ZFYVE28: variants seen among roughly 807,000 people sequenced by gnomAD.
ZFYVE28 encodes zinc finger FYVE-type containing 28.
A neutral mutation model predicts 82.1 loss-of-function variants in ZFYVE28; 40 were observed. The ratio of observed to expected loss-of-function variants is 0.49; its 90% CI spans 0.38 to 0.63. The LOEUF (loss-of-function observed/expected upper bound fraction) is 0.63. Among genes scored for constraint, ZFYVE28 ranks in the 30% least tolerant of loss-of-function variants. The pLI, the probability that ZFYVE28 is intolerant of heterozygous loss-of-function variation, is 0.00. For missense variants in ZFYVE28, 1,321 were observed against 1,242.1 expected (o/e 1.06, Z -0.96); for synonymous variants, 612 against 546.1 (o/e 1.12, Z -1.68).
chr4:2,273,115 T>C (rs1736063411), intron 10 of ZFYVE28, 58 bp downstream of exon 10: 3 of 1,386,426 alleles, frequency 2.2e-6, no homozygotes, highest in African/African-American at 2.9e-5. Context: ...CCCCTCCCTG[T>C]GGGCAGGGAC....
At chr4:2,279,430 A>AAAAAAC (rs539648643) in intron 8 of ZFYVE28, among the ~76,000 whole-genome samples, 253 of 152,030 alleles carry the variant, frequency 1.7e-3, no homozygotes, top group African/African-American at 5.6e-3. Context: ...ACTCCGTCTA[A>AAAAAAC]AAAAACAAAA....
At chr4:2,307,089 A>T (rs1288880084) in intron 7 of ZFYVE28, 1 of 152,252 alleles carries the variant, frequency 6.6e-6, no homozygotes, top group East Asian at 1.9e-4. Context: ...CTTTAACTGA[A>T]TCCTTCCTGG....
intron 1 of ZFYVE28, among the ~76,000 whole-genome samples, chr4:2,400,184 T>C (rs1367935364): frequency 1.3e-5 from 2 of 152,248 alleles, no homozygotes; most frequent in African/African-American, 2.4e-5. Context: ...TTTTTTTACT[T>C]GACCGCACTT....
intron 8 of ZFYVE28, among the ~76,000 whole-genome samples, chr4:2,278,122 A>G (rs1211399497): frequency 6.6e-6 from 1 of 152,212 alleles, no homozygotes; most frequent in Non-Finnish European, 1.5e-5. Context: ...ACACATGCAA[A>G]AGGATGAAGC....
chr4:2,301,275 C>T (rs540041349), intron 8 of ZFYVE28, among the ~76,000 whole-genome samples: 3 of 152,318 alleles, frequency 2.0e-5, no homozygotes, highest in Non-Finnish European at 2.9e-5. Context: ...GATGCTCCCA[C>T]GGTGCACACC....
Position 2,330,898 on chromosome 4 carries a change from C to A in ZFYVE28, c.701+4807G>T, listed in dbSNP as rs1197670543. 8 of 1,534,606 alleles carry A rather than the reference C, an allele frequency of 5.2e-6. No individual in the cohort carries two copies. The East Asian group carries it at 2.0e-4, about 38-fold the overall frequency. The stretch of plus-strand genomic sequence containing the variant: ...CGGTGCAGGCAGATCACGGTGGGAG[C>A]TCCGGCAAGGGTCTGAGCAGGGCAG... On this transcript the variant is annotated intron_variant, in intron 6 of 12. Transcript: ENST00000290974.
chr4:2,361,702 C>T (rs1726185227), intron 1 of ZFYVE28, among the ~76,000 whole-genome samples: 1 of 152,172 alleles, frequency 6.6e-6, no homozygotes, highest in Non-Finnish European at 1.5e-5. Flanking sequence ...TGCCAAGGCG[C>T]CAGATCTCAG....
intron 1 of ZFYVE28, among the ~76,000 whole-genome samples, chr4:2,386,077 T>A (rs553599130): frequency 2.0e-5 from 3 of 152,330 alleles, no homozygotes; most frequent in African/African-American, 7.2e-5. Flanking sequence ...TTCCCTTCCC[T>A]GCTGGTGTTC....
At chr4:2,365,091 A>G (rs1726708114) in intron 1 of ZFYVE28, among the ~76,000 whole-genome samples, 1 of 139,836 alleles carries the variant, frequency 7.2e-6, no homozygotes, top group African/African-American at 2.7e-5. Flanking sequence ...GCCACCCCGC[A>G]GGCAGTGGGC....
chr4:2,360,190 G>C (rs992356466), intron 1 of ZFYVE28, among the ~76,000 whole-genome samples: 1 of 151,596 alleles, frequency 6.6e-6, no homozygotes, highest in African/African-American at 2.4e-5. Flanking sequence ...GAAGCTCCGA[G>C]TGTCTTCACG....
chr4:2,290,380 G>A (rs992772784), intron 8 of ZFYVE28, among the ~76,000 whole-genome samples: 8 of 152,206 alleles, frequency 5.3e-5, no homozygotes, highest in Admixed American at 6.5e-5. Flanking sequence ...CAATGTGCCT[G>A]GTGAGACAGG....
At chr4:2,380,627 C>T (rs1204703574) in intron 1 of ZFYVE28, among the ~76,000 whole-genome samples, 3 of 152,168 alleles carry the variant, frequency 2.0e-5, no homozygotes, top group Non-Finnish European at 4.4e-5. Context: ...ATTATACTCT[C>T]GTAATTCCCA....
chr4:2,352,309 C>A (rs772467247), intron 2 of ZFYVE28, among the ~76,000 whole-genome samples: 1 of 151,674 alleles, frequency 6.6e-6, no homozygotes, highest in Non-Finnish European at 1.5e-5. Flanking sequence ...AGACATGGAG[C>A]AGGATGAGGC....
intron 6 of ZFYVE28, chr4:2,330,757 G>A (rs1193858594): frequency 2.9e-5 from 43 of 1,505,756 alleles, no homozygotes; most frequent in East Asian, 1.2e-4. Context: ...CGGGGGAGGG[G>A]ACAGTGTGGC....
intron 8 of ZFYVE28, among the ~76,000 whole-genome samples, chr4:2,290,372 A>G (rs926727095): frequency 6.6e-6 from 1 of 152,162 alleles, no homozygotes; most frequent in Non-Finnish European, 1.5e-5. Context: ...GAGGATCACA[A>G]TGTGCCTGGT....
At chr4:2,369,533 G>A (rs964237935) in intron 1 of ZFYVE28, among the ~76,000 whole-genome samples, 3 of 152,142 alleles carry the variant, frequency 2.0e-5, no homozygotes, top group African/African-American at 2.4e-5. Context: ...TTGGAAAAAC[G>A]GTTGTTGCAG....
chr4:2,318,300 G>A (rs1014484878), intron 7 of ZFYVE28, among the ~76,000 whole-genome samples: 3 of 152,312 alleles, frequency 2.0e-5, no homozygotes, highest in Admixed American at 6.5e-5. Context: ...GCTCACGCCT[G>A]TAATCCCAGC....
At chr4:2,392,702 T>G (rs1578361489) in intron 1 of ZFYVE28, among the ~76,000 whole-genome samples, 1 of 152,358 alleles carries the variant, frequency 6.6e-6, no homozygotes, top group East Asian at 1.9e-4. Context: ...TATCCTTTCT[T>G]ACTGTCACCC....
chr4:2,271,470 C>T lies in ZFYVE28; in HGVS notation c.2429-56G>A, dbSNP rs185753734. 1.5e-4 allele frequency: 230 copies of T among 1,575,286 alleles called. No individual in the cohort carries two copies. The African/African-American group carries it at 1.6e-3, about 11-fold the overall frequency. On this transcript the variant is annotated intron_variant, in intron 11 of 12. Coordinates refer to ENST00000290974, the MANE Select transcript of ZFYVE28 (RefSeq NM_020972.3). ...GACGGCAGGAGCAGGTGGGCTGGGC[C>T]GGGACCCTCAACCTACCCTGGGCCC...
Sources: gnomAD v4.1 joint callset for allele counts (sites outside exome capture counted in the v4.1 genomes callset) on GRCh38, gnomAD v4.1.1 for gene constraint, MANE v1.5 for transcripts, NCBI Gene and HGNC (gene_info 2026-07-23, HGNC 2026-07-21) for gene names.